The following RPS6KC1 variants were observed in gnomAD, a reference collection of about 807,000 sequenced individuals.
RPS6KC1 encodes the protein inactive ribosomal protein S6 kinase delta-1.
In RPS6KC1, 54 loss-of-function variants were observed where a neutral mutation model predicts 103.8. That is an observed-to-expected ratio of 0.52 (90% CI 0.42 to 0.65). RPS6KC1 has a LOEUF of 0.65. RPS6KC1 is among the 30% of genes least tolerant of loss of function. The pLI is 0.00. For missense variants in RPS6KC1, 1,151 were observed against 1,253.8 expected (o/e 0.92, Z 1.24); for synonymous variants, 439 against 438.7 (o/e 1.00, Z -0.01).
the RPS6KC1 span, among the ~76,000 whole-genome samples, chr1:213,598,583 A>G: frequency 6.6e-6 from 1 of 152,190 alleles, no homozygotes; most frequent in African/African-American, 2.4e-5. Flanking sequence ...ACTCTCCCGG[A>G]AAAATATGAA....
chr1:213,262,741 A>G lies in RPS6KC1; in HGVS notation c.3015A>G (p.Pro1005=). Reference sequence around the variant, plus strand: ...TTCAGACTCTGGTTGAATGCCATCCAGCAGGAATAAATACTCACACTACTT... The same window carrying G: ...TTCAGACTCTGGTTGAATGCCATCCGGCAGGAATAAATACTCACACTACTT... The part of the protein sequence containing the change: ...LTGKTLVECH[P]AGINTHTTLN... The change falls in exon 14 of 15, where the codon CCA becomes CCG. Residue 1005 remains proline (P), a synonymous_variant. Coordinates refer to ENST00000366960, the MANE Select transcript of RPS6KC1 (RefSeq NM_012424.6). 2 of 1,611,196 alleles carry G rather than the reference A, an allele frequency of 1.2e-6. No homozygotes were observed. Among genetic ancestry groups the G allele is most frequent in the Non-Finnish European group, 1.7e-6 (2 of 1,177,294 alleles).
At chr1:213,583,795 T>G in the RPS6KC1 span, among the ~76,000 whole-genome samples, 1 of 119,422 alleles carries the variant, frequency 8.4e-6, no homozygotes, top group African/African-American at 3.4e-5. Flanking sequence ...CACTCCAGCC[T>G]GGGTGGCAGA....
intron 1 of RPS6KC1, among the ~76,000 whole-genome samples, chr1:213,061,704 G>A (rs1366322109): frequency 6.6e-6 from 1 of 151,682 alleles, no homozygotes; most frequent in African/African-American, 2.4e-5. Flanking sequence ...ATTGATGAAT[G>A]TGCCACTTGG....
At chr1:213,136,632 T>TTCTCTAGAGAACC (rs2086294297) in intron 6 of RPS6KC1, among the ~76,000 whole-genome samples, 1 of 152,184 alleles carries the variant, frequency 6.6e-6, no homozygotes, top group African/African-American at 2.4e-5. Context: ...AGAACCGGCA[T>TTCTCTAGAGAACC]GGTATCTACT....
chr1:213,292,975 G>A, the RPS6KC1 span, among the ~76,000 whole-genome samples: 1 of 152,202 alleles, frequency 6.6e-6, no homozygotes, highest in East Asian at 1.9e-4. Context: ...GGAAAAAAAT[G>A]TGAAAAGTTT....
At chr1:213,723,649 T>G in the RPS6KC1 span, among the ~76,000 whole-genome samples, 1 of 152,246 alleles carries the variant, frequency 6.6e-6, no homozygotes, top group South Asian at 2.1e-4. Flanking sequence ...CCTATGAATT[T>G]GGGGAGATAT....
the RPS6KC1 span, among the ~76,000 whole-genome samples, chr1:213,630,347 A>T: frequency 1.3e-5 from 2 of 151,992 alleles, no homozygotes; most frequent in East Asian, 1.9e-4. Flanking sequence ...CATCACTGAC[A>T]CCCTTTTTTC....
At chr1:213,434,832 G>C in the RPS6KC1 span, among the ~76,000 whole-genome samples, 1 of 152,036 alleles carries the variant, frequency 6.6e-6, no homozygotes, top group Admixed American at 6.6e-5. Context: ...ACTGGTATAG[G>C]ACAATTAGAT....
chr1:213,807,099 A>T, the RPS6KC1 span, among the ~76,000 whole-genome samples: 12 of 152,338 alleles, frequency 7.9e-5, no homozygotes, highest in Admixed American at 4.6e-4. Context: ...AGAATGTTGA[A>T]TATTGGCCCC....
the RPS6KC1 span, among the ~76,000 whole-genome samples, chr1:213,823,726 C>CCACACACACACACACACACA: frequency 0.014 from 2,016 of 146,312 alleles, 29 homozygotes; most frequent in East Asian, 0.045. Context: ...GCTATCACAG[C>CCACACACACACACACACACA]CACACACACA....
chr1:213,681,795 C>T, the RPS6KC1 span, among the ~76,000 whole-genome samples: 1 of 149,460 alleles, frequency 6.7e-6, no homozygotes, highest in African/African-American at 2.5e-5. Context: ...GAGACTGTCT[C>T]AAAAAAAAAT....
the RPS6KC1 span, among the ~76,000 whole-genome samples, chr1:213,622,293 C>T: frequency 6.8e-6 from 1 of 146,324 alleles, no homozygotes; most frequent in African/African-American, 2.5e-5. Flanking sequence ...CACACTGTTA[C>T]AGGCATGTAC....
intron 3 of RPS6KC1, among the ~76,000 whole-genome samples, chr1:213,096,019 G>A (rs2081418313): frequency 1.3e-5 from 2 of 152,176 alleles, no homozygotes; most frequent in African/African-American, 4.8e-5. Context: ...TGTAACATGT[G>A]ATGGTGTTTG....
At chr1:213,647,023 G>A in the RPS6KC1 span, among the ~76,000 whole-genome samples, 44 of 151,790 alleles carry the variant, frequency 2.9e-4, no homozygotes, top group South Asian at 1.5e-3. Flanking sequence ...TCTGCCTCCC[G>A]AGTAGCTGGG....
intron 8 of RPS6KC1, among the ~76,000 whole-genome samples, chr1:213,200,480 T>C (rs981523656): frequency 6.6e-6 from 1 of 152,090 alleles, no homozygotes; most frequent in Non-Finnish European, 1.5e-5. Flanking sequence ...TTTCAAAAAT[T>C]AACTCAAGAT....
At chr1:213,514,014 T>A in the RPS6KC1 span, among the ~76,000 whole-genome samples, 6 of 152,346 alleles carry the variant, frequency 3.9e-5, no homozygotes, top group Admixed American at 3.9e-4. Context: ...CTTTGCTGTT[T>A]CAACAGTTTT....
At chr1:213,262,130 T>C (rs2094811109) in intron 13 of RPS6KC1, among the ~76,000 whole-genome samples, 1 of 152,198 alleles carries the variant, frequency 6.6e-6, no homozygotes, top group African/African-American at 2.4e-5. Context: ...GATGAATGAC[T>C]TTTGAATATG....
intron 3 of RPS6KC1, among the ~76,000 whole-genome samples, chr1:213,080,206 C>T (rs1323055092): frequency 6.6e-6 from 1 of 152,196 alleles, no homozygotes; most frequent in Non-Finnish European, 1.5e-5. Context: ...GCGTGAGCCA[C>T]TGCGCCTGGC....
At chr1:213,768,290 A>G in the RPS6KC1 span, among the ~76,000 whole-genome samples, 2 of 152,330 alleles carry the variant, frequency 1.3e-5, no homozygotes, top group East Asian at 3.9e-4. Flanking sequence ...GAAAGAGTTA[A>G]GACAATCTGT....
Sources: allele counts gnomAD v4.1 joint callset (sites outside exome capture counted in the v4.1 genomes callset), GRCh38; gene constraint gnomAD v4.1.1; transcripts MANE v1.5; gene names NCBI Gene and HGNC (gene_info 2026-07-23, HGNC 2026-07-21).